The following UGDH variants were observed in gnomAD, a reference collection of about 807,000 sequenced individuals.
The protein encoded by UGDH is UDP-glucose 6-dehydrogenase.
Under a neutral mutation model 50.6 loss-of-function variants are expected in UGDH, and 38 were observed. The observed-to-expected ratio is 0.75, with a 90% CI of 0.58 to 0.98. UGDH has a LOEUF of 0.98. UGDH is among the 50% of genes least tolerant of loss of function. UGDH has a pLI of 0.00. For synonymous variants in UGDH, 168 were observed against 199.9 expected (o/e 0.84, Z 1.35); for missense variants, 465 against 606.2 (o/e 0.77, Z 2.45).
Position 39,500,037 on chromosome 4 carries a change from A to AG in UGDH, c.*105_*106insC. 1.5e-6 allele frequency: 1 copy of AG among 681,774 alleles called. No individual in the cohort carries two copies. The highest frequency in any genetic ancestry group is 2.4e-6 in the Non-Finnish European group (1 of 420,346). The allele number at this position is 681,774 out of a possible 1,614,324, so 42.2% of individuals were successfully genotyped here. On this transcript the variant is annotated 3_prime_UTR_variant, in exon 12 of 12. Transcript: ENST00000316423. ...AGTGAGACTCTGTCTCAAAAAAAAA[A>AG]CAAAAAAAAACACTTGGTTCATTTA...
intron 7 of UGDH, 35 bp downstream of exon 7, chr4:39,508,531 G>A (rs772559402): frequency 6.3e-7 from 1 of 1,592,890 alleles, no homozygotes; most frequent in Admixed American, 1.7e-5. Flanking sequence ...ACTATGCCTG[G>A]CTAAACAGAA....
At chr4:39,501,525 G>A (rs553130274) in intron 11 of UGDH, among the ~76,000 whole-genome samples, 33 of 152,014 alleles carry the variant, frequency 2.2e-4, no homozygotes, top group South Asian at 4.2e-4. Context: ...CGCCCGCCTC[G>A]GCCTCCCAAA....
Position 39,514,185 on chromosome 4 carries a change from C to T in UGDH, c.163-1G>A. The stretch of plus-strand genomic sequence containing the variant: ...ATTCTACCACTTCTTTTAGTCCTGG[C>T]TAAAAAGAAAAAAGAAAAGGAATTG... On this transcript the variant is annotated splice_acceptor_variant, in intron 2 of 11. Transcript: ENST00000316423. LOFTEE classifies it high-confidence loss of function. 6 of 1,571,066 alleles carry T rather than the reference C, an allele frequency of 3.8e-6. No homozygotes were observed. The highest frequency in any genetic ancestry group is 5.1e-6 in the Non-Finnish European group (6 of 1,169,740).
Position 39,500,083 on chromosome 4 carries a change from A to G in UGDH, c.*60T>C. ...ATTTACCATTTAATAGCAGATAGAT[A>G]TTTGCTATCCTGAAGTACCAAAAAA... On this transcript the variant is annotated 3_prime_UTR_variant, in exon 12 of 12. Transcript: ENST00000316423. The G allele has an allele frequency of 9.9e-7, 1 of 1,008,172 alleles. No homozygotes were observed. Among genetic ancestry groups the G allele is most frequent in the Non-Finnish European group, 1.5e-6 (1 of 682,200 alleles). 62.5% of individuals were successfully genotyped at this position (1,008,172 alleles called of 1,614,324 possible). A position where few individuals can be genotyped will look rare whatever the true frequency, so the allele number is the denominator to read the frequency against.
intron 2 of UGDH, among the ~76,000 whole-genome samples, chr4:39,518,993 T>C (rs1487598553): frequency 6.6e-6 from 1 of 152,178 alleles, no homozygotes; most frequent in Non-Finnish European, 1.5e-5. Context: ...CTCAGCTCAC[T>C]GCAACCTCTG....
intron 1 of UGDH, among the ~76,000 whole-genome samples, chr4:39,521,803 A>C (rs1165597892): frequency 6.6e-6 from 1 of 152,240 alleles, no homozygotes; most frequent in African/African-American, 2.4e-5. Context: ...CCTAATATTT[A>C]GAAAGTAAAG....
intron 3 of UGDH, 102 bp downstream of exon 3, chr4:39,513,981 A>G: frequency 1.0e-6 from 1 of 962,220 alleles, no homozygotes; most frequent in Non-Finnish European, 1.6e-6. Flanking sequence ...TATACTAAGC[A>G]ATGTTGAGGC....
At chr4:39,514,710 C>A (rs1215241746) in intron 2 of UGDH, among the ~76,000 whole-genome samples, 1 of 141,554 alleles carries the variant, frequency 7.1e-6, no homozygotes, top group Non-Finnish European at 1.5e-5. Flanking sequence ...TGAGACAGAG[C>A]CTCTTTCTGT....
intron 3 of UGDH, among the ~76,000 whole-genome samples, chr4:39,513,319 A>T (rs1746313208): frequency 6.6e-6 from 1 of 152,096 alleles, no homozygotes; most frequent in African/African-American, 2.4e-5. Flanking sequence ...TTATGAGGTA[A>T]AGGTGTCTGT....
chr4:39,511,616 T>C (rs1289923223), intron 3 of UGDH, among the ~76,000 whole-genome samples: 2 of 151,970 alleles, frequency 1.3e-5, no homozygotes, highest in Non-Finnish European at 2.9e-5. Context: ...TTTTAAAATA[T>C]TGCAATATCA....
intron 10 of UGDH, among the ~76,000 whole-genome samples, 187 bp from the exon 11 acceptor site, chr4:39,504,172 G>A (rs977883836): frequency 6.6e-6 from 1 of 152,096 alleles, no homozygotes; most frequent in Non-Finnish European, 1.5e-5. Flanking sequence ...GTTGGGCGTG[G>A]TGGCAGGAGC....
chr4:39,522,274 T>A (rs2109947520), intron 1 of UGDH, among the ~76,000 whole-genome samples: 1 of 152,342 alleles, frequency 6.6e-6, no homozygotes, highest in South Asian at 2.1e-4. Flanking sequence ...GATTTATACA[T>A]AAGTATGCTC....
chr4:39,501,348 C>T (rs915396578), intron 11 of UGDH, among the ~76,000 whole-genome samples: 3 of 150,644 alleles, frequency 2.0e-5, no homozygotes, highest in Non-Finnish European at 4.4e-5. Flanking sequence ...GATCTCGGCT[C>T]ACTGCAAGCT....
In UGDH at chr4:39,505,316, T is replaced by C. The variant is rs1477841458; in HGVS notation, c.1092A>G (p.Leu364=). 1.3e-6 allele frequency: 2 copies of C among 1,597,194 alleles called. No homozygotes were observed. Among genetic ancestry groups the C allele is most frequent in the African/African-American group, 1.3e-5 (1 of 74,224 alleles). ...TAGGTACTTTTGGATCATATATATG[T>C]AGATGTGCACCTTCATCCATCAAAT... ...SKYLMDEGAH[L]HIYDPKVPRE... is the part of the protein sequence containing the mutation. The change falls in exon 9 of 12, where the codon CTA becomes CTG. Residue 364 remains leucine, a synonymous_variant. Coordinates refer to ENST00000316423, the MANE Select transcript of UGDH (RefSeq NM_003359.4).
At position 39,508,665 on chromosome 4, in the gene UGDH, A is replaced by G. The variant is rs1403132195; in HGVS notation, c.812-5T>C. On this transcript the variant is annotated splice_polypyrimidine_tract_variant and splice_region_variant and intron_variant, in intron 6 of 11. Coordinates refer to ENST00000316423, the MANE Select transcript of UGDH (RefSeq NM_003359.4). ...GGAAACAGCTCCCACCAAACCCTGC[A>G]GAAAGAAAAAAATGAACAATATTTT... The G allele has an allele frequency of 6.3e-7, 1 of 1,586,606 alleles. No individual in the cohort carries two copies. Among genetic ancestry groups the G allele is most frequent in the East Asian group, 2.3e-5 (1 of 43,208 alleles).
At chr4:39,527,164 C>G in intron 1 of UGDH, 119 bp downstream of exon 1, 1 of 1,275,982 alleles carries the variant, frequency 7.8e-7, no homozygotes, top group Non-Finnish European at 1.0e-6. Flanking sequence ...AAGCCCGGGA[C>G]CCAGCGCAGC....
At position 39,500,033 on chromosome 4, in the gene UGDH, A is replaced by C; in HGVS notation, c.*110T>G. 1.5e-6 allele frequency: 1 copy of C among 663,606 alleles called. No individual in the cohort carries two copies. The allele number at this position is 663,606 out of a possible 1,614,324, so 41.1% of individuals were successfully genotyped here. The stretch of plus-strand genomic sequence containing the variant: ...CAACAGTGAGACTCTGTCTCAAAAA[A>C]AAAACAAAAAAAAACACTTGGTTCA... On this transcript the variant is annotated 3_prime_UTR_variant, in exon 12 of 12. Coordinates refer to ENST00000316423, the MANE Select transcript of UGDH (RefSeq NM_003359.4).
chr4:39,506,927 G>A (rs577364854), intron 7 of UGDH, among the ~76,000 whole-genome samples: 1 of 152,306 alleles, frequency 6.6e-6, no homozygotes, highest in Admixed American at 6.5e-5. Context: ...GGAGGCTCAG[G>A]TGGAAGGATC....
chr4:39,514,436 C>T (rs1457278938), intron 2 of UGDH, among the ~76,000 whole-genome samples: 1 of 151,830 alleles, frequency 6.6e-6, no homozygotes. Flanking sequence ...AATCTCAGCT[C>T]ACTGCAGCCT....
Sources: allele counts gnomAD v4.1 joint callset (sites outside exome capture counted in the v4.1 genomes callset), GRCh38; gene constraint gnomAD v4.1.1; transcripts MANE v1.5; gene names NCBI Gene and HGNC (gene_info 2026-07-23, HGNC 2026-07-21).